The following SEPTIN12 variants were observed in gnomAD, a reference collection of about 807,000 sequenced individuals.
The protein encoded by SEPTIN12 is septin 12, also known as septin-12.
A neutral mutation model predicts 37.7 loss-of-function variants in SEPTIN12; 42 were observed. The observed-to-expected ratio is 1.11, with a 90% confidence interval of 0.87 to 1.44. The LOEUF (loss-of-function observed/expected upper bound fraction) is 1.44. Among genes scored for constraint, SEPTIN12 ranks in the 40% most tolerant of loss-of-function variants. The pLI, the probability that SEPTIN12 is intolerant of heterozygous loss-of-function variation, is 0.00. For synonymous variants in SEPTIN12, 254 were observed against 196.7 expected (o/e 1.29, Z -2.44); for missense variants, 613 against 479.2 (o/e 1.28, Z -2.61).
In SEPTIN12 at chr16:4,783,546, G is replaced by T. The variant is rs752783301; in HGVS notation, c.642C>A (p.Asn214Lys). The T allele has an allele frequency of 1.2e-6, 2 of 1,614,120 alleles. No individual in the cohort carries two copies. Among genetic ancestry groups the T allele is most frequent in the Non-Finnish European group, 8.5e-7 (1 of 1,180,000 alleles). The stretch of plus-strand genomic sequence containing the variant: ...AGACGTCGATGCAGTGGGTCCTCAG[G>T]TTCTGCTGGATCTGGAGATCCCACA... ...REAFRRRIQQNLRTHCIDVYP... is the reference protein window; with the variant it reads ...REAFRRRIQQKLRTHCIDVYP... Residue 214 changes from asparagine (N) to lysine (K), a missense_variant, in exon 7 of 10, where the codon AAC (asparagine) becomes AAA (lysine). Physicochemically the swap from Asn to Lys is moderately conservative, Grantham distance 94. Coordinates refer to ENST00000268231, the MANE Select transcript of SEPTIN12 (RefSeq NM_144605.5).
intron 1 of SEPTIN12, chr16:4,787,892 G>A (rs2082485305): frequency 6.0e-6 from 3 of 502,882 alleles, no homozygotes; most frequent in Non-Finnish European, 1.1e-5. Context: ...AGGCTCCGCT[G>A]CCCAAGGGTC....
In SEPTIN12 at chr16:4,783,690, C is replaced by A; in HGVS notation, c.589G>T (p.Asp197Tyr). ...TCTCGCTCCTCCATGGTCAGGCTGT[C>A]GGCCCTGGCAATCACGGGCACCACA... ...VNVVPVIARA[D>Y]SLTMEEREAF... Residue 197 changes from aspartate to tyrosine, a missense_variant, in exon 6 of 10, where the codon GAC becomes TAC. Transcript: ENST00000268231. 8 of 1,614,096 alleles carry A rather than the reference C, an allele frequency of 5.0e-6. No homozygotes were observed. Among genetic ancestry groups the A allele is most frequent in the Non-Finnish European group, 6.8e-6 (8 of 1,180,006 alleles).
Position 4,778,151 on chromosome 16 carries a change from G to T in SEPTIN12, c.824-14C>A. Reference sequence around the variant, plus strand: ...CCATGTTCTCCACTGCAAGACATGGGACTCAGTATGGGCGCTGCTTAGTGA... The same window carrying T: ...CCATGTTCTCCACTGCAAGACATGGTACTCAGTATGGGCGCTGCTTAGTGA... On this transcript the variant is annotated splice_polypyrimidine_tract_variant and intron_variant, in intron 8 of 9. Transcript: ENST00000268231. 6.2e-7 allele frequency: 1 copy of T among 1,614,034 alleles called. No homozygotes were observed. Among genetic ancestry groups the T allele is most frequent in the Non-Finnish European group, 8.5e-7 (1 of 1,179,890 alleles).
upstream of SEPTIN12, among the ~76,000 whole-genome samples, chr16:4,789,349 G>A (rs2082512555): frequency 2.0e-5 from 3 of 146,852 alleles, no homozygotes; most frequent in African/African-American, 7.6e-5. Context: ...TTTTTGAGAC[G>A]GAGTCTCGCT....
intron 7 of SEPTIN12, among the ~76,000 whole-genome samples, chr16:4,780,768 C>T (rs2082363682): frequency 6.6e-6 from 1 of 152,108 alleles, no homozygotes; most frequent in African/African-American, 2.4e-5. Context: ...CACCTGAGGT[C>T]AGGACTTCAA....
chr16:4,784,018 T>C lies in SEPTIN12; in HGVS notation c.425A>G (p.Gln142Arg). ...YINEQYEQYLQEEILITRQRH... is the reference protein window; with the variant it reads ...YINEQYEQYLREEILITRQRH... The stretch of plus-strand genomic sequence containing the variant: ...CTGGCGGGTGATGAGGATCTCCTCC[T>C]GCAGGTACTGCTCGTATTGCTCGTT... Residue 142 changes from glutamine to arginine, a missense_variant, in exon 5 of 10, where the codon CAG becomes CGG. Physicochemically the swap from Gln to Arg is conservative, Grantham distance 43 (BLOSUM62 1). Coordinates refer to ENST00000268231, the MANE Select transcript of SEPTIN12 (RefSeq NM_144605.5). 6.2e-7 allele frequency: 1 copy of C among 1,614,178 alleles called. No individual in the cohort carries two copies.
chr16:4,789,546 T>C (rs1179001459), upstream of SEPTIN12, among the ~76,000 whole-genome samples: 2 of 152,152 alleles, frequency 1.3e-5, no homozygotes, highest in Non-Finnish European at 2.9e-5. Context: ...CAGGATGGTC[T>C]CGATCTCCTG....
At chr16:4,787,336 C>G (rs1427817361) in intron 2 of SEPTIN12, 144 bp downstream of exon 2, 5 of 778,322 alleles carry the variant, frequency 6.4e-6, no homozygotes, top group Non-Finnish European at 1.1e-5. Context: ...CTCAAATTTT[C>G]AATGACAACA....
intron 4 of SEPTIN12, among the ~76,000 whole-genome samples, chr16:4,784,811 AAAT>A (rs2082417561): frequency 2.0e-5 from 3 of 150,378 alleles, no homozygotes; most frequent in East Asian, 1.9e-4. Context: ...ATAAATAAAT[AAAT>A]AAAATGAAAC....
At position 4,777,791 on chromosome 16, in the gene SEPTIN12, C is replaced by T. The variant is rs569800995; in HGVS notation, c.*6G>A. The T allele has an allele frequency of 2.2e-5, 33 of 1,514,038 alleles. No individual in the cohort carries two copies. The highest frequency in any genetic ancestry group is 4.5e-5 in the Admixed American group (2 of 44,126). The allele number at this position is 1,514,038 out of a possible 1,614,324, so 93.8% of individuals were successfully genotyped here. A position where few individuals can be genotyped will look rare whatever the true frequency, so the allele number is the denominator to read the frequency against. On this transcript the variant is annotated 3_prime_UTR_variant, in exon 10 of 10. Transcript: ENST00000268231. The stretch of plus-strand genomic sequence containing the variant: ...GAAGCCCAGCAGCCCCGGGATCCGC[C>T]GGTGGTCAGAACTCATCATCAGAAT...
chr16:4,780,653 C>A (rs887794956), intron 7 of SEPTIN12, among the ~76,000 whole-genome samples: 1 of 152,262 alleles, frequency 6.6e-6, no homozygotes, highest in African/African-American at 2.4e-5. Context: ...TGGGTTTTTA[C>A]TTCTGAATTC....
rs2141862542 is a variant in SEPTIN12 at position 4,778,190 on chromosome 16, G to A, written c.824-53C>T. On this transcript the variant is annotated intron_variant, in intron 8 of 9. Coordinates refer to ENST00000268231, the MANE Select transcript of SEPTIN12 (RefSeq NM_144605.5). ...GCTGCTTAGTGAGCACTGAGTAAGT[G>A]CCTACTGTATGCACCACCTGACACC... 2.5e-6 allele frequency: 4 copies of A among 1,579,652 alleles called. No individual in the cohort carries two copies. The South Asian group carries it at 4.4e-5, about 17-fold the overall frequency.
rs771432553 is a variant in SEPTIN12, at chr16:4,783,896, A to G, written c.512+35T>C. The G allele has an allele frequency of 1.9e-6, 3 of 1,613,228 alleles. No homozygotes were observed. The South Asian group carries it at 3.3e-5, about 18-fold the overall frequency. ...CCTTCTCCTCCTCCCTGCCCCGTGC[A>G]GGTGGTCCTCGCCTTGCAGGTGCAG... On this transcript the variant is annotated intron_variant, in intron 5 of 9. Coordinates refer to ENST00000268231, the MANE Select transcript of SEPTIN12 (RefSeq NM_144605.5).
chr16:4,780,569 C>T (rs147121520), intron 7 of SEPTIN12, among the ~76,000 whole-genome samples: 4 of 152,156 alleles, frequency 2.6e-5, no homozygotes, highest in South Asian at 2.1e-4. Flanking sequence ...TGAACCCTAC[C>T]GTAAACTCCA....
chr16:4,779,695 A>T lies in SEPTIN12; in HGVS notation c.818T>A (p.Ile273Asn). 1 of 1,609,390 alleles carries T rather than the reference A, an allele frequency of 6.2e-7. No homozygotes were observed. The highest frequency in any genetic ancestry group is 8.5e-7 in the Non-Finnish European group (1 of 1,175,846). The change falls in exon 8 of 10, where the codon ATT becomes AAT. Residue 273 changes from isoleucine to asparagine, a missense_variant. Ile to Asn is a moderately radical substitution (Grantham distance 149). Transcript: ENST00000268231. ...CCCAGGGGCCCCGCACTGACCTTCA[A>T]TGATGCCCCACTTGGTCTTCCGGCC... ...VLGRKTKWGI[I>N]EVENMAHCEF...
rs6500633 is a variant in SEPTIN12, at chr16:4,783,550, T to C, written c.638A>G (p.Gln213Arg). ...GTCGATGCAGTGGGTCCTCAGGTTC[T>C]GCTGGATCTGGAGATCCCACACAGG... ...EREAFRRRIQ[Q>R]NLRTHCIDVY... is the part of the protein sequence containing the mutation. Residue 213 changes from glutamine (Q) to arginine (R), a missense_variant, in exon 7 of 10, where the codon CAG (glutamine) becomes CGG (arginine). Physicochemically the swap from Gln to Arg is conservative, Grantham distance 43. Coordinates refer to ENST00000268231, the MANE Select transcript of SEPTIN12 (RefSeq NM_144605.5). 3.3e-3 allele frequency: 5,386 copies of C among 1,614,132 alleles called. 169 individuals carry two copies. The African/African-American group carries it at 0.064, about 19-fold the overall frequency.
In SEPTIN12 at chr16:4,777,997, AGCTGGGG is replaced by A; in HGVS notation, c.876-6_876del. ...ATGTCCTTCAGGTCTTGGAGGTGGG[AGCTGGGG>A]GACCGGAGACGGTCAGCCCCGATGG... On this transcript the variant is annotated splice_acceptor_variant and splice_polypyrimidine_tract_variant and coding_sequence_variant and intron_variant, in exon 10 of 10. Coordinates refer to ENST00000268231, the MANE Select transcript of SEPTIN12 (RefSeq NM_144605.5). LOFTEE classifies it high-confidence loss of function. 6.2e-7 allele frequency: 1 copy of A among 1,612,138 alleles called. No homozygotes were observed. Among genetic ancestry groups the A allele is most frequent in the Non-Finnish European group, 8.5e-7 (1 of 1,179,102 alleles).
At chr16:4,781,897 G>C (rs1447926808) in intron 7 of SEPTIN12, among the ~76,000 whole-genome samples, 1 of 141,444 alleles carries the variant, frequency 7.1e-6, no homozygotes, top group African/African-American at 2.7e-5. Flanking sequence ...GCCCACCTCA[G>C]CCGCCCAAAG....
upstream of SEPTIN12, among the ~76,000 whole-genome samples, chr16:4,789,697 G>C (rs1412693092): frequency 6.6e-6 from 1 of 151,820 alleles, no homozygotes; most frequent in South Asian, 2.1e-4. Context: ...GGGTTCTAGT[G>C]ATCCTCTCAC....
Sources: gnomAD v4.1 joint callset for allele counts (sites outside exome capture counted in the v4.1 genomes callset) on GRCh38, gnomAD v4.1.1 for gene constraint, MANE v1.5 for transcripts, NCBI Gene and HGNC (gene_info 2026-07-23, HGNC 2026-07-21) for gene names.